The following TMOD3 variants were observed in gnomAD, a reference collection of about 807,000 sequenced individuals.
The protein encoded by TMOD3 is tropomodulin-3.
Under a neutral mutation model 39.2 loss-of-function variants are expected in TMOD3, and 20 were observed. The observed-to-expected ratio is 0.51, with a 90% CI of 0.36 to 0.74. The LOEUF (loss-of-function observed/expected upper bound fraction) is 0.74, where lower values mean the gene tolerates loss of function less well. Among genes scored for constraint, TMOD3 ranks in the 30% least tolerant of loss-of-function variants. The pLI is 0.00. For missense variants in TMOD3, 381 were observed against 412.8 expected (o/e 0.92, Z 0.67); for synonymous variants, 143 against 145.8 (o/e 0.98, Z 0.14).
chr15:51,900,155 GC>G lies in TMOD3; in HGVS notation c.737del (p.Ala246ValfsTer6). The G allele has an allele frequency of 6.2e-7, 1 of 1,613,708 alleles. No homozygotes were observed. The highest frequency in any genetic ancestry group is 1.1e-5 in the South Asian group (1 of 91,008). On this transcript the variant is annotated frameshift_variant and splice_region_variant, in exon 8 of 10. Coordinates refer to ENST00000308580, the MANE Select transcript of TMOD3 (RefSeq NM_014547.5). LOFTEE classifies it high-confidence loss of function. ...ATRSNDPVATAFAEMLKVNKT... is the reference protein window; with the variant it reads ...ATRSNDPVATXFAEMLKVNKT... ...TCTTAATATTTTCTCTAATTTCTAG[GC>G]TTTTGCAGAAATGCTGAAAGTGAAC... is the stretch of plus-strand genomic sequence containing the variant.
At chr15:51,847,961 C>T (rs544375580) in intron 1 of TMOD3, among the ~76,000 whole-genome samples, 127 of 152,100 alleles carry the variant, frequency 8.3e-4, no homozygotes, top group Middle Eastern at 3.4e-3. Context: ...GTGAGTAGGT[C>T]GTGAGGATAG....
At chr15:51,848,894 C>A (rs2056348122) in intron 1 of TMOD3, among the ~76,000 whole-genome samples, 1 of 152,166 alleles carries the variant, frequency 6.6e-6, no homozygotes. Flanking sequence ...AGGCCAATTT[C>A]TAATTTTGGG....
At chr15:51,870,337 A>G (rs558665442) in intron 3 of TMOD3, among the ~76,000 whole-genome samples, 2 of 152,372 alleles carry the variant, frequency 1.3e-5, no homozygotes, top group Admixed American at 1.3e-4. Flanking sequence ...GTTGGCCTAA[A>G]AAGCCAAATT....
chr15:51,898,530 A>G (rs2056632945), intron 7 of TMOD3, among the ~76,000 whole-genome samples: 1 of 152,184 alleles, frequency 6.6e-6, no homozygotes, highest in Non-Finnish European at 1.5e-5. Context: ...TTTATCTCTG[A>G]ATCTCTAGGA....
At chr15:51,893,355 G>A (rs1357495791) in intron 5 of TMOD3, among the ~76,000 whole-genome samples, 1 of 147,940 alleles carries the variant, frequency 6.8e-6, no homozygotes, top group African/African-American at 2.5e-5. Flanking sequence ...AACACATAAA[G>A]GATCTTTTCG....
At chr15:51,857,485 A>T (rs1469572796) in intron 1 of TMOD3, among the ~76,000 whole-genome samples, 1 of 152,198 alleles carries the variant, frequency 6.6e-6, no homozygotes, top group African/African-American at 2.4e-5. Flanking sequence ...GTCATGTTCC[A>T]ACTTTACAGA....
intron 9 of TMOD3, among the ~76,000 whole-genome samples, chr15:51,907,511 A>G (rs2056688102): frequency 6.6e-6 from 1 of 152,248 alleles, no homozygotes; most frequent in South Asian, 2.1e-4. Context: ...AACAGAAGTC[A>G]GCAGTCAGAA....
At chr15:51,892,097 A>C (rs1227494386) in intron 5 of TMOD3, among the ~76,000 whole-genome samples, 1 of 152,170 alleles carries the variant, frequency 6.6e-6, no homozygotes, top group Non-Finnish European at 1.5e-5. Context: ...ATTTGAAAGT[A>C]ACAAGATACT....
chr15:51,911,145 A>C lies in TMOD3; in HGVS notation c.*2335A>C, dbSNP rs1443498166. ...CTTTCAGTCAGGCATCCTCGTTTGC[A>C]TTGTCCTGTAAGTCAATTAGTTGAT... On this transcript the variant is annotated 3_prime_UTR_variant, in exon 10 of 10. Coordinates refer to ENST00000308580, the MANE Select transcript of TMOD3 (RefSeq NM_014547.5). The C allele has an allele frequency of 6.6e-6, 1 of 152,178 alleles. No homozygotes were observed. 9.4% of individuals were successfully genotyped at this position (152,178 alleles called of 1,614,324 possible).
intron 6 of TMOD3, among the ~76,000 whole-genome samples, chr15:51,894,873 T>G (rs2056613058): frequency 6.6e-6 from 1 of 152,180 alleles, no homozygotes; most frequent in African/African-American, 2.4e-5. Context: ...TTAAATTCTC[T>G]TGAGTAAACA....
intron 3 of TMOD3, among the ~76,000 whole-genome samples, chr15:51,882,966 T>C (rs1391072126): frequency 1.3e-5 from 2 of 152,260 alleles, no homozygotes; most frequent in South Asian, 4.1e-4. Flanking sequence ...TACTTCCACT[T>C]TTCTATAACT....
Position 51,887,670 on chromosome 15 carries a change from C to G in TMOD3, c.365C>G (p.Ala122Gly), listed in dbSNP as rs1323596130. The change falls in exon 4 of 10, where the codon GCT (alanine) becomes GGT (glycine). Residue 122 changes from alanine (A) to glycine (G), a missense_variant. Physicochemically the swap from Ala to Gly is moderately conservative, Grantham distance 60. Transcript: ENST00000308580. ...KVSLDPELEEALTSASDTELC... is the reference protein window; with the variant it reads ...KVSLDPELEEGLTSASDTELC... ...TCTCTTGATCCAGAATTAGAAGAAG[C>G]TTTGACAAGTGCTTCTGATACAGAA... 2 of 1,613,936 alleles carry G rather than the reference C, an allele frequency of 1.2e-6. No individual in the cohort carries two copies. The highest frequency in any genetic ancestry group is 4.5e-5 in the East Asian group (2 of 44,842).
At chr15:51,904,474 A>G (rs1185279244) in intron 9 of TMOD3, among the ~76,000 whole-genome samples, 1 of 152,198 alleles carries the variant, frequency 6.6e-6, no homozygotes, top group African/African-American at 2.4e-5. Flanking sequence ...TGGTACCTGA[A>G]TAGCCATAAA....
Position 51,851,679 on chromosome 15 carries a change from G to GA in TMOD3, c.-74-11131dup, listed in dbSNP as rs1168580310. 2.6e-5 allele frequency among the ~76,000 whole-genome samples: 4 copies of GA among 152,198 alleles called. No homozygotes were observed. The South Asian group carries it at 6.2e-4, about 24-fold the overall frequency. ...CATAGGGCAATGTTCAGCTCCTCAG[G>GA]ATAAAAATAGGTGTGGAATAAGAAA... On this transcript the variant is annotated intron_variant, in intron 1 of 9. Coordinates refer to ENST00000308580, the MANE Select transcript of TMOD3 (RefSeq NM_014547.5).
intron 7 of TMOD3, among the ~76,000 whole-genome samples, chr15:51,897,775 G>A (rs568474406): frequency 1.8e-4 from 17 of 95,864 alleles, no homozygotes; most frequent in South Asian, 7.9e-4. Flanking sequence ...GAGCCACCAC[G>A]CCCAGCAAAA....
In TMOD3 at chr15:51,879,330, G is replaced by A. The variant is rs992375681; in HGVS notation, c.284-8259G>A. 6.8e-4 allele frequency among the ~76,000 whole-genome samples: 103 copies of A among 151,470 alleles called. 1 individual carries two copies. Among genetic ancestry groups the A allele is most frequent in the Non-Finnish European group, 2.2e-4 (15 of 67,882 alleles). ...TTTGTGTAACTTGGGGGTGGGGGAT[G>A]TATCATTTCATACTTATCTGAGAGT... On this transcript the variant is annotated intron_variant, in intron 3 of 9. Coordinates refer to ENST00000308580, the MANE Select transcript of TMOD3 (RefSeq NM_014547.5).
At chr15:51,883,171 A>C (rs1229584949) in intron 3 of TMOD3, among the ~76,000 whole-genome samples, 1 of 152,222 alleles carries the variant, frequency 6.6e-6, no homozygotes, top group East Asian at 1.9e-4. Context: ...GTGCCATGCT[A>C]TGTCAGAACT....
At chr15:51,846,739 C>G (rs1157605466) in intron 1 of TMOD3, among the ~76,000 whole-genome samples, 1 of 152,284 alleles carries the variant, frequency 6.6e-6, no homozygotes, top group South Asian at 2.1e-4. Flanking sequence ...AGTTAACCAG[C>G]AGAGATAAAG....
intron 1 of TMOD3, among the ~76,000 whole-genome samples, chr15:51,840,642 A>G (rs1392711036): frequency 1.3e-5 from 2 of 152,232 alleles, no homozygotes; most frequent in Non-Finnish European, 2.9e-5. Flanking sequence ...AATAAGATGT[A>G]TTATAATAAT....
Sources: gnomAD v4.1 joint callset for allele counts (sites outside exome capture counted in the v4.1 genomes callset) on GRCh38, gnomAD v4.1.1 for gene constraint, MANE v1.5 for transcripts, NCBI Gene and HGNC (gene_info 2026-07-23, HGNC 2026-07-21) for gene names.